CFAP61: variants seen among roughly 807,000 people sequenced by gnomAD.
CFAP61 encodes cilia and flagella associated protein 61.
In CFAP61, 107 loss-of-function variants were observed where a neutral mutation model predicts 135.6. That is an observed-to-expected ratio of 0.79 (90% CI 0.67 to 0.93). CFAP61 has a LOEUF of 0.93. Among genes scored for constraint, CFAP61 ranks in the 40% least tolerant of loss-of-function variants. CFAP61 has a pLI of 0.00. For missense variants in CFAP61, 1,507 were observed against 1,556.2 expected, an observed-to-expected ratio of 0.97 and a Z score of 0.53; for synonymous variants, 575 against 578.5, an observed-to-expected ratio of 0.99 and a Z score of 0.09.
intron 25 of CFAP61, among the ~76,000 whole-genome samples, chr20:20,330,557 G>A (rs1412302819): frequency 1.3e-5 from 2 of 152,022 alleles, no homozygotes; most frequent in Non-Finnish European, 2.9e-5. Flanking sequence ...GGCTGGTCTC[G>A]AACTCCTGAC....
At chr20:20,318,546 G>T (rs898039394) in intron 25 of CFAP61, among the ~76,000 whole-genome samples, 2 of 152,166 alleles carry the variant, frequency 1.3e-5, no homozygotes, top group Admixed American at 1.3e-4. Context: ...TTGAAACGCC[G>T]TTGGCCCTTT....
At chr20:20,209,248 G>A (rs1206846553) in intron 17 of CFAP61, among the ~76,000 whole-genome samples, 1 of 152,106 alleles carries the variant, frequency 6.6e-6, no homozygotes, top group Non-Finnish European at 1.5e-5. Context: ...TGTTGGTTAA[G>A]TTTTTATCCC....
chr20:20,233,778 C>A (rs1173201058), intron 18 of CFAP61, among the ~76,000 whole-genome samples: 1 of 152,196 alleles, frequency 6.6e-6, no homozygotes, highest in African/African-American at 2.4e-5. Context: ...TTCACCCCTG[C>A]TCGTTTCAGT....
intron 8 of CFAP61, among the ~76,000 whole-genome samples, chr20:20,128,977 A>G (rs2050290596): frequency 6.6e-6 from 1 of 151,528 alleles, no homozygotes; most frequent in African/African-American, 2.4e-5. Context: ...TCTATCTCTT[A>G]ACAAGTTGTT....
chr20:20,262,802 GTGTT>G (rs751514813), intron 20 of CFAP61, among the ~76,000 whole-genome samples, 150 bp from the exon 21 acceptor site: 25 of 123,506 alleles, frequency 2.0e-4, no homozygotes, highest in South Asian at 4.5e-4. Context: ...ACCTGTTTTT[GTGTT>G]TTTTTTTTTT....
chr20:20,188,157 A>G, intron 14 of CFAP61, 101 bp downstream of exon 14: 1 of 1,239,128 alleles, frequency 8.1e-7, no homozygotes. Context: ...GGAAAATCAT[A>G]TGGCAGGGGG....
intron 21 of CFAP61, chr20:20,265,500 T>G (rs1054323953): frequency 1.3e-6 from 1 of 779,396 alleles, no homozygotes; most frequent in African/African-American, 1.7e-5. Context: ...AAGGGAAATG[T>G]TTTTTCAAGA....
In CFAP61 at chr20:20,288,649, C is replaced by A; in HGVS notation, c.2837C>A (p.Thr946Lys). 1 of 1,613,878 alleles carries A rather than the reference C, an allele frequency of 6.2e-7. No individual in the cohort carries two copies. Among genetic ancestry groups the A allele is most frequent in the Non-Finnish European group, 8.5e-7 (1 of 1,179,792 alleles). ...SFCEKNVDYE[T>K]FKALNDACLV... ...TGTGAGAAGAATGTGGATTATGAAA[C>A]GTTTAAAGCCCTCAATGATGCATGT... is the stretch of plus-strand genomic sequence containing the variant. Residue 946 changes from threonine to lysine, a missense_variant, in exon 23 of 27, where the codon ACG becomes AAG. Thr to Lys is a moderately conservative substitution (Grantham distance 78). Coordinates refer to ENST00000245957, the MANE Select transcript of CFAP61 (RefSeq NM_015585.4).
At chr20:20,094,218 A>G (rs1309852845) in intron 7 of CFAP61, among the ~76,000 whole-genome samples, 1 of 152,066 alleles carries the variant, frequency 6.6e-6, no homozygotes, top group Admixed American at 6.6e-5. Flanking sequence ...AGGTTTTGGC[A>G]TGGTTTCTCA....
At chr20:20,337,345 G>GACA (rs1211516774) in intron 25 of CFAP61, among the ~76,000 whole-genome samples, 2 of 17,296 alleles carry the variant, frequency 1.2e-4, no homozygotes, top group African/African-American at 2.3e-4. Flanking sequence ...TGGATAGATG[G>GACA]GTGGGTGGGT....
At chr20:20,209,566 GC>G (rs2047483213) in intron 17 of CFAP61, among the ~76,000 whole-genome samples, 1 of 152,160 alleles carries the variant, frequency 6.6e-6, no homozygotes, top group African/African-American at 2.4e-5. Flanking sequence ...AACCAGGTGT[GC>G]AAAAGGATAC....
At chr20:20,070,091 A>G (rs1236402253) in intron 2 of CFAP61, among the ~76,000 whole-genome samples, 1 of 152,178 alleles carries the variant, frequency 6.6e-6, no homozygotes, top group Non-Finnish European at 1.5e-5. Context: ...GATGGGCCAC[A>G]AGACAGGGTA....
At chr20:20,351,467 A>C (rs1467680575) in intron 26 of CFAP61, among the ~76,000 whole-genome samples, 4 of 152,036 alleles carry the variant, frequency 2.6e-5, no homozygotes, top group African/African-American at 7.2e-5. Flanking sequence ...CTGTAATCCC[A>C]GCTACTCAGG....
chr20:20,344,175 GC>G (rs2058551613), intron 26 of CFAP61, among the ~76,000 whole-genome samples: 1 of 152,246 alleles, frequency 6.6e-6, no homozygotes, highest in South Asian at 2.1e-4. Flanking sequence ...ATGCAATGTG[GC>G]CTCTGCCAGA....
At chr20:20,133,944 C>T (rs1350024320) in intron 8 of CFAP61, among the ~76,000 whole-genome samples, 3 of 152,168 alleles carry the variant, frequency 2.0e-5, no homozygotes, top group African/African-American at 7.2e-5. Flanking sequence ...CTTTGTATCA[C>T]TGTGGACTTT....
chr20:20,295,452 C>T (rs1018988017), intron 24 of CFAP61, among the ~76,000 whole-genome samples: 6 of 152,104 alleles, frequency 3.9e-5, no homozygotes, highest in Non-Finnish European at 7.3e-5. Context: ...GCCTTACTGC[C>T]GTGGTGCAGG....
chr20:20,111,425 A>C (rs2048797547), intron 8 of CFAP61, among the ~76,000 whole-genome samples: 1 of 152,180 alleles, frequency 6.6e-6, no homozygotes, highest in Non-Finnish European at 1.5e-5. Context: ...AAGTAGCCTT[A>C]CTAACTCACC....
At chr20:20,106,926 A>G (rs761160954) in intron 8 of CFAP61, among the ~76,000 whole-genome samples, 2 of 152,222 alleles carry the variant, frequency 1.3e-5, no homozygotes, top group Non-Finnish European at 2.9e-5. Flanking sequence ...TAATTTGGCT[A>G]TTACGCTATA....
At chr20:20,153,518 A>G (rs575560640) in intron 9 of CFAP61, among the ~76,000 whole-genome samples, 1 of 152,272 alleles carries the variant, frequency 6.6e-6, no homozygotes, top group African/African-American at 2.4e-5. Flanking sequence ...AGCCTCAATT[A>G]GAAATGAAAT....
Sources: gnomAD v4.1 joint callset for allele counts (sites outside exome capture counted in the v4.1 genomes callset) on GRCh38, gnomAD v4.1.1 for gene constraint, MANE v1.5 for transcripts, NCBI Gene and HGNC (gene_info 2026-07-23, HGNC 2026-07-21) for gene names.